DPYD: variants seen among roughly 807,000 people sequenced by gnomAD.
The protein encoded by DPYD is dihydropyrimidine dehydrogenase, also known as dihydropyrimidine dehydrogenase [NADP(+)].
Under a neutral mutation model 116.2 loss-of-function variants are expected in DPYD, and 109 were observed. The observed-to-expected ratio is 0.94, with a 90% CI of 0.80 to 1.10. The LOEUF is 1.10. Ranked by LOEUF, DPYD falls within the 50% of genes least tolerant of loss-of-function variation. DPYD has a pLI of 0.00. For missense variants in DPYD, 1,302 were observed against 1,254.5 expected, an observed-to-expected ratio of 1.04 and a Z score of -0.57; for synonymous variants, 440 against 432.0, an observed-to-expected ratio of 1.02 and a Z score of -0.23.
At chr1:97,654,818 ATCGCAGTTCCATGTGGACTGAGC>A (rs1205579977) in intron 8 of DPYD, among the ~76,000 whole-genome samples, 1 of 152,192 alleles carries the variant, frequency 6.6e-6, no homozygotes, top group African/African-American at 2.4e-5. Context: ...GAAAAATGGA[ATCGCAGTTCCATGTGGACTGAGC>A]TCGCAGTTCC....
intron 2 of DPYD, among the ~76,000 whole-genome samples, chr1:97,833,564 G>A (rs1017477821): frequency 6.6e-6 from 1 of 152,096 alleles, no homozygotes; most frequent in African/African-American, 2.4e-5. Flanking sequence ...TACAGGCTAA[G>A]TCCTTAGGCA....
chr1:97,602,967 A>T (rs1212275906), intron 8 of DPYD, among the ~76,000 whole-genome samples: 1 of 151,678 alleles, frequency 6.6e-6, no homozygotes, highest in Non-Finnish European at 1.5e-5. Flanking sequence ...TATCCTCATT[A>T]CTCTGCTTTA....
intron 12 of DPYD, among the ~76,000 whole-genome samples, chr1:97,549,150 T>G (rs999890853): frequency 6.6e-6 from 1 of 152,086 alleles, no homozygotes; most frequent in Non-Finnish European, 1.5e-5. Flanking sequence ...TACTGCAGCC[T>G]TGACCTCCTC....
At chr1:97,844,367 T>C (rs1670187957) in intron 2 of DPYD, among the ~76,000 whole-genome samples, 1 of 152,178 alleles carries the variant, frequency 6.6e-6, no homozygotes, top group African/African-American at 2.4e-5. Flanking sequence ...TGGGGGCTGG[T>C]TGCCAGTCAA....
chr1:97,144,218 C>G (rs767866002), intron 20 of DPYD, among the ~76,000 whole-genome samples: 23 of 152,196 alleles, frequency 1.5e-4, no homozygotes, highest in Non-Finnish European at 2.9e-4. Flanking sequence ...AAATGCCTTT[C>G]TTTCAGCTTT....
intron 20 of DPYD, among the ~76,000 whole-genome samples, chr1:97,152,817 G>A (rs1296163103): frequency 6.6e-6 from 1 of 151,870 alleles, no homozygotes. Context: ...TGTTTAGATG[G>A]TTTTCATGGT....
intron 13 of DPYD, among the ~76,000 whole-genome samples, chr1:97,467,161 G>A (rs933387099): frequency 3.3e-5 from 5 of 152,080 alleles, no homozygotes; most frequent in African/African-American, 1.2e-4. Context: ...GTTGTTTTTC[G>A]GAAATCTGTA....
intron 12 of DPYD, among the ~76,000 whole-genome samples, chr1:97,532,775 A>G (rs1335386565): frequency 1.3e-5 from 2 of 151,894 alleles, no homozygotes; most frequent in African/African-American, 2.4e-5. Flanking sequence ...TTCAGATAAC[A>G]AATTGTCAAT....
At chr1:97,707,061 C>T (rs1021601972) in intron 5 of DPYD, among the ~76,000 whole-genome samples, 7 of 152,022 alleles carry the variant, frequency 4.6e-5, no homozygotes, top group African/African-American at 1.4e-4. Context: ...TTTGTGTCTA[C>T]GCCCCCATTT....
chr1:97,344,595 CCA>C (rs35038074), intron 16 of DPYD, among the ~76,000 whole-genome samples: 40 of 148,772 alleles, frequency 2.7e-4, no homozygotes, highest in South Asian at 1.5e-3. Context: ...ATATATGTCA[CCA>C]CACACACACA....
chr1:97,177,516 C>G (rs1232285958), intron 20 of DPYD, among the ~76,000 whole-genome samples: 1 of 150,894 alleles, frequency 6.6e-6, no homozygotes, highest in African/African-American at 2.4e-5. Context: ...ATGACATTTT[C>G]TAGAACCTGA....
At chr1:97,584,731 T>C (rs1414914929) in intron 10 of DPYD, among the ~76,000 whole-genome samples, 1 of 134,292 alleles carries the variant, frequency 7.4e-6, no homozygotes, top group African/African-American at 2.8e-5. Flanking sequence ...TTCTCATTCA[T>C]AGGTGGGAAT....
chr1:97,569,033 A>G (rs1652720400), intron 11 of DPYD, among the ~76,000 whole-genome samples: 1 of 152,150 alleles, frequency 6.6e-6, no homozygotes, highest in South Asian at 2.1e-4. Flanking sequence ...AGAATGAGCT[A>G]AAGTACATTC....
At chr1:97,182,526 T>C (rs1657716637) in intron 20 of DPYD, among the ~76,000 whole-genome samples, 1 of 152,112 alleles carries the variant, frequency 6.6e-6, no homozygotes, top group South Asian at 2.1e-4. Flanking sequence ...ATATCAATCA[T>C]TACCCAAGTG....
At chr1:97,132,143 TTCC>T (rs1653389769) in intron 20 of DPYD, among the ~76,000 whole-genome samples, 1 of 152,210 alleles carries the variant, frequency 6.6e-6, no homozygotes, top group Admixed American at 6.5e-5. Context: ...CACAATGTAA[TTCC>T]TTTATGATCC....
chr1:97,353,573 A>G (rs946928701), intron 16 of DPYD, among the ~76,000 whole-genome samples: 25 of 152,156 alleles, frequency 1.6e-4, no homozygotes, highest in African/African-American at 5.1e-4. Flanking sequence ...GATGGATTTT[A>G]AACATAAAAT....
At chr1:97,756,754 C>A (rs552657662) in intron 3 of DPYD, among the ~76,000 whole-genome samples, 1 of 152,116 alleles carries the variant, frequency 6.6e-6, no homozygotes, top group Non-Finnish European at 1.5e-5. Context: ...TGTTAAAGTT[C>A]TATATATAAG....
chr1:97,343,921 C>T (rs900803576), intron 16 of DPYD, among the ~76,000 whole-genome samples: 1 of 151,834 alleles, frequency 6.6e-6, no homozygotes, highest in Non-Finnish European at 1.5e-5. Context: ...CACTTACTAC[C>T]TATTTACTCC....
intron 2 of DPYD, chr1:97,856,314 A>G (rs1670842325): frequency 6.6e-6 from 1 of 152,210 alleles, no homozygotes; most frequent in African/African-American, 2.4e-5. Flanking sequence ...TGTTTACCCC[A>G]TAAAGATAGA....
Sources: gnomAD v4.1 joint callset for allele counts (sites outside exome capture counted in the v4.1 genomes callset) on GRCh38, gnomAD v4.1.1 for gene constraint, MANE v1.5 for transcripts, NCBI Gene and HGNC (gene_info 2026-07-23, HGNC 2026-07-21) for gene names.